The following FEZ2 variants were observed in gnomAD, a reference collection of about 807,000 sequenced individuals.
The protein encoded by FEZ2 is fasciculation and elongation protein zeta-2.
In FEZ2, 51 loss-of-function variants were observed where a neutral mutation model predicts 40.4. That is an observed-to-expected ratio of 1.26 (90% confidence interval 1.01 to 1.59). The LOEUF (loss-of-function observed/expected upper bound fraction) is 1.59, where lower values mean the gene tolerates loss of function less well. Ranked by LOEUF, FEZ2 falls within the 40% of genes most tolerant of loss-of-function variation. The pLI, the probability that FEZ2 is intolerant of heterozygous loss-of-function variation, is 0.00. For missense variants in FEZ2, 640 were observed against 438.3 expected, an observed-to-expected ratio of 1.46 and a Z score of -4.11; for synonymous variants, 242 against 172.0, an observed-to-expected ratio of 1.41 and a Z score of -3.18.
chr2:36,581,423 T>A lies in FEZ2; in HGVS notation c.501A>T (p.Glu167Asp), dbSNP rs779471628. The A allele has an allele frequency of 6.2e-7, 1 of 1,613,522 alleles. No homozygotes were observed. The highest frequency in any genetic ancestry group is 8.5e-7 in the Non-Finnish European group (1 of 1,179,500). The change falls in exon 4 of 8, where the codon GAA (glutamate) becomes GAT (aspartate). Residue 167 changes from glutamate to aspartate, a missense_variant. Transcript: ENST00000405912. ...EPLFTADQVI[E>D]EIEEMMQESP... ...ATTCCTGCATCATTTCTTCAATTTC[T>A]TCAATAACCTTCGAAAACACACACA...
At chr2:36,571,315 T>C (rs1489098553) in intron 5 of FEZ2, among the ~76,000 whole-genome samples, 1 of 152,238 alleles carries the variant, frequency 6.6e-6, no homozygotes, top group African/African-American at 2.4e-5. Context: ...CAAGATACTA[T>C]CAAATATCAC....
At position 36,574,894 on chromosome 2, in the gene FEZ2, C is replaced by T. The variant is rs1319570500; in HGVS notation, c.903+3703G>A. On this transcript the variant is annotated intron_variant, in intron 5 of 7. Coordinates refer to ENST00000405912, the MANE Select transcript of FEZ2 (RefSeq NM_005102.3). ...AAGCCTGCCACTCTCTTGAGTTGCA[C>T]TTCCCAAAGAGGTCCACTCCTTTAA... Among the ~76,000 whole-genome samples, 3 of 152,158 alleles carry T rather than the reference C, an allele frequency of 2.0e-5. No homozygotes were observed. In the East Asian group the frequency reaches 5.8e-4, roughly 29 times the overall value.
chr2:36,587,632 T>A lies in FEZ2; in HGVS notation c.375+3271A>T, dbSNP rs546917226. ...GTTTTCCTGAATGTTTTTCTCTTTT[T>A]AATGCAAAAACCATTCTTCTTTTGT... is the stretch of plus-strand genomic sequence containing the variant. On this transcript the variant is annotated intron_variant, in intron 2 of 7. Transcript: ENST00000405912. 2.2e-4 allele frequency among the ~76,000 whole-genome samples: 33 copies of A among 148,200 alleles called. 1 individual carries two copies. The South Asian group carries it at 6.4e-3, about 29-fold the overall frequency.
intron 4 of FEZ2, among the ~76,000 whole-genome samples, chr2:36,580,300 G>A (rs918271070): frequency 2.6e-5 from 4 of 152,186 alleles, no homozygotes; most frequent in African/African-American, 9.6e-5. Context: ...AATTTGGTCT[G>A]TCTGACCATC....
At position 36,581,372 on chromosome 2, in the gene FEZ2, G is replaced by C. The variant is rs1405380082; in HGVS notation, c.552C>G (p.Thr184=). 1 of 1,613,194 alleles carries C rather than the reference G, an allele frequency of 6.2e-7. No homozygotes were observed. The highest frequency in any genetic ancestry group is 1.7e-5 in the Admixed American group (1 of 59,994). Residue 184 remains threonine (T), a synonymous_variant, in exon 4 of 8, where the codon ACC becomes ACG. Transcript: ENST00000405912. The part of the protein sequence containing the change: ...QESPDPEDDE[T]PTQSDRLSML... ...TTGAAAGCCGATCTGACTGTGTAGG[G>C]GTTTCATCATCTTCTGGGTCCGGTG...
intron 5 of FEZ2, among the ~76,000 whole-genome samples, chr2:36,565,560 G>A (rs1008239556): frequency 6.6e-6 from 1 of 152,070 alleles, no homozygotes; most frequent in African/African-American, 2.4e-5. Flanking sequence ...CCCCTCTGCT[G>A]TCTGTGCCTG....
chr2:36,592,643 A>C (rs1669103093), intron 1 of FEZ2, among the ~76,000 whole-genome samples: 1 of 116,660 alleles, frequency 8.6e-6, no homozygotes, highest in Admixed American at 8.3e-5. Flanking sequence ...CCACATCTCT[A>C]CAAAAAAAAA....
At chr2:36,589,366 A>T (rs1669001582) in intron 2 of FEZ2, among the ~76,000 whole-genome samples, 1 of 152,170 alleles carries the variant, frequency 6.6e-6, no homozygotes, top group Non-Finnish European at 1.5e-5. Flanking sequence ...CCTAGAGGGG[A>T]GTGTGTTTTC....
At chr2:36,589,627 A>C (rs936977067) in intron 2 of FEZ2, 2 of 152,212 alleles carry the variant, frequency 1.3e-5, no homozygotes, top group African/African-American at 2.4e-5. Flanking sequence ...AAGATCCCTC[A>C]TTTTATTCCT....
At chr2:36,563,042 C>T (rs1398053214) in intron 5 of FEZ2, among the ~76,000 whole-genome samples, 2 of 152,188 alleles carry the variant, frequency 1.3e-5, no homozygotes, top group Admixed American at 1.3e-4. Flanking sequence ...GCTTTGTTTT[C>T]GCAATCAGAA....
chr2:36,586,296 T>C (rs2125239064), intron 2 of FEZ2, among the ~76,000 whole-genome samples: 1 of 152,334 alleles, frequency 6.6e-6, no homozygotes, highest in South Asian at 2.1e-4. Context: ...TGATTTTGTT[T>C]TATTTTTCCC....
chr2:36,573,889 G>A (rs997009714), intron 5 of FEZ2, among the ~76,000 whole-genome samples: 16 of 152,252 alleles, frequency 1.1e-4, no homozygotes, highest in East Asian at 3.9e-4. Context: ...TCACTCTTAC[G>A]CTCTACTGGG....
rs1380692542 is a variant in FEZ2 at position 36,552,269 on chromosome 2, T to TA, written c.*893dup. 4.2e-5 allele frequency: 19 copies of TA among 449,020 alleles called. No individual in the cohort carries two copies. The highest frequency in any genetic ancestry group is 3.7e-4 in the African/African-American group (18 of 48,790). The allele number at this position is 449,020 out of a possible 1,614,324, so 27.8% of individuals were successfully genotyped here. On this transcript the variant is annotated 3_prime_UTR_variant, in exon 8 of 8. Coordinates refer to ENST00000405912, the MANE Select transcript of FEZ2 (RefSeq NM_005102.3). ...CTCTCAAACATGTATTTTTACTTCTTAAAAAATTTATTAAATGCCATTGAT... is the reference window on the plus strand; with the variant it reads ...CTCTCAAACATGTATTTTTACTTCTTAAAAAAATTTATTAAATGCCATTGAT...
In FEZ2 at chr2:36,577,675, AT is replaced by A. The variant is rs1284543616; in HGVS notation, c.903+921del. ...AAGACTCTTTTTGTGTTAACTGCTC[AT>A]TGGTGGCCCACCATCCTAGAACTGT... On this transcript the variant is annotated intron_variant, in intron 5 of 7. Transcript: ENST00000405912. Among the ~76,000 whole-genome samples the A allele has an allele frequency of 3.9e-5, 6 of 152,372 alleles. No individual in the cohort carries two copies. The East Asian group carries it at 1.2e-3, about 29-fold the overall frequency.
At chr2:36,581,517 GA>G (rs1668747689) in intron 3 of FEZ2, 86 bp from the exon 4 acceptor site, 1 of 1,173,094 alleles carries the variant, frequency 8.5e-7, no homozygotes, top group Admixed American at 1.9e-5. Context: ...AAGGCACCCA[GA>G]GCAGAAATGC....
At chr2:36,555,977 C>T (rs2125217277) in intron 6 of FEZ2, 1 of 651,984 alleles carries the variant, frequency 1.5e-6, no homozygotes, top group East Asian at 3.3e-5. Context: ...TCCCACTTAC[C>T]TGAGAGTTGC....
At chr2:36,574,176 A>G (rs1668497972) in intron 5 of FEZ2, among the ~76,000 whole-genome samples, 1 of 152,172 alleles carries the variant, frequency 6.6e-6, no homozygotes, top group Non-Finnish European at 1.5e-5. Flanking sequence ...CTAATCTTAT[A>G]TACATTATTT....
In FEZ2 at chr2:36,558,426, G is replaced by C. The variant is rs750199049; in HGVS notation, c.979+12C>G. 2.0e-6 allele frequency: 3 copies of C among 1,481,084 alleles called. No homozygotes were observed. The highest frequency in any genetic ancestry group is 2.7e-6 in the Non-Finnish European group (3 of 1,104,384). The allele number at this position is 1,481,084 out of a possible 1,614,324, so 91.7% of individuals were successfully genotyped here. ...GGAAATCAGGTAATAGTTTCATTTT[G>C]TCTTTGCTCACTTTTTGTTAATATT... On this transcript the variant is annotated intron_variant, in intron 6 of 7. Transcript: ENST00000405912.
At position 36,591,019 on chromosome 2, in the gene FEZ2, A is replaced by G; in HGVS notation, c.267-8T>C. 1.3e-6 allele frequency: 2 copies of G among 1,507,996 alleles called. No homozygotes were observed. The highest frequency in any genetic ancestry group is 1.8e-6 in the Non-Finnish European group (2 of 1,083,676). 93.4% of individuals were successfully genotyped at this position (1,507,996 alleles called of 1,614,324 possible). A position where few individuals can be genotyped will look rare whatever the true frequency, so the allele number is the denominator to read the frequency against. Reference sequence around the variant, plus strand: ...GTCAGGGCATTCCAAATCCTTAAAAAGAAGAAAGCTACAATCAATGAAAAT... The same window carrying G: ...GTCAGGGCATTCCAAATCCTTAAAAGGAAGAAAGCTACAATCAATGAAAAT... On this transcript the variant is annotated splice_polypyrimidine_tract_variant and splice_region_variant and intron_variant, in intron 1 of 7. Coordinates refer to ENST00000405912, the MANE Select transcript of FEZ2 (RefSeq NM_005102.3).
Sources: gnomAD v4.1 joint callset for allele counts (sites outside exome capture counted in the v4.1 genomes callset) on GRCh38, gnomAD v4.1.1 for gene constraint, MANE v1.5 for transcripts, NCBI Gene and HGNC (gene_info 2026-07-23, HGNC 2026-07-21) for gene names.